The following SIN3A variants were observed in gnomAD, a reference collection of about 807,000 sequenced individuals.
SIN3A encodes the protein SIN3 transcription regulator family member A.
A neutral mutation model predicts 146.1 loss-of-function variants in SIN3A; 14 were observed. That is an observed-to-expected ratio of 0.10 (90% CI 0.06 to 0.15). The LOEUF is 0.15. SIN3A is among the 10% of genes least tolerant of loss of function. The probability of loss-of-function intolerance (pLI) is 1.00; values close to 1 mark genes in which losing one functional copy is unlikely to be tolerated. For synonymous variants in SIN3A, 572 were observed against 572.0 expected (o/e 1.00, Z 0.00); for missense variants, 1,028 against 1,576.0 (o/e 0.65, Z 5.89).
intron 1 of SIN3A, among the ~76,000 whole-genome samples, chr15:75,440,621 AC>A (rs1341281776): frequency 6.6e-6 from 1 of 152,120 alleles, no homozygotes; most frequent in Non-Finnish European, 1.5e-5. Flanking sequence ...TTAAAATGCA[AC>A]CAAGTACTCA....
chr15:75,430,077 CAT>C, intron 2 of SIN3A, 108 bp downstream of exon 2: 1 of 766,058 alleles, frequency 1.3e-6, no homozygotes, highest in Non-Finnish European at 2.1e-6. Context: ...TTACCTTACA[CAT>C]ACTCAACAAT....
At chr15:75,412,564 T>G (rs188571387) in intron 5 of SIN3A, among the ~76,000 whole-genome samples, 199 bp downstream of exon 5, 50 of 152,322 alleles carry the variant, frequency 3.3e-4, no homozygotes, top group African/African-American at 1.2e-3. Flanking sequence ...TGTTGCTGTG[T>G]TGATTTAAAT....
At chr15:75,432,602 G>A (rs747025023) in intron 1 of SIN3A, among the ~76,000 whole-genome samples, 14 of 147,788 alleles carry the variant, frequency 9.5e-5, no homozygotes, top group Admixed American at 1.4e-4. Context: ...CATGAGAATC[G>A]CTAGAATCCA....
chr15:75,453,238 T>C (rs2074437058), upstream of SIN3A: 1 of 152,476 alleles, frequency 6.6e-6, no homozygotes, highest in Non-Finnish European at 1.5e-5. Context: ...ACTCCAGCGA[T>C]GGCTTCGAGC....
chr15:75,408,760 A>G (rs565594346), intron 8 of SIN3A, among the ~76,000 whole-genome samples: 1 of 152,346 alleles, frequency 6.6e-6, no homozygotes, highest in African/African-American at 2.4e-5. Context: ...GTAACCCAAC[A>G]AAGAACTTTG....
At chr15:75,413,704 C>T (rs573214456) in intron 4 of SIN3A, among the ~76,000 whole-genome samples, 7 of 152,156 alleles carry the variant, frequency 4.6e-5, no homozygotes, top group Middle Eastern at 6.8e-3. Context: ...CCACCATGCC[C>T]GGCTAATTTT....
At chr15:75,442,319 T>A (rs1197711518) in intron 1 of SIN3A, among the ~76,000 whole-genome samples, 4 of 150,680 alleles carry the variant, frequency 2.7e-5, no homozygotes, top group African/African-American at 9.7e-5. Context: ...CAAAGTGCAG[T>A]GGTTTTGATT....
chr15:75,452,137 C>G (rs2074421707), upstream of SIN3A, among the ~76,000 whole-genome samples: 1 of 152,236 alleles, frequency 6.6e-6, no homozygotes, highest in Non-Finnish European at 1.5e-5. Context: ...GGTAAAATGT[C>G]TGTAAGTGAA....
chr15:75,413,096 C>G lies in SIN3A; in HGVS notation c.474-51G>C, dbSNP rs759287791. The G allele has an allele frequency of 9.9e-6, 15 of 1,517,540 alleles. No individual in the cohort carries two copies. The East Asian group carries it at 3.6e-4, about 37-fold the overall frequency. The allele number at this position is 1,517,540 out of a possible 1,614,324, so 94.0% of individuals were successfully genotyped here. A position where few individuals can be genotyped will look rare whatever the true frequency, so the allele number is the denominator to read the frequency against. ...ATAAACTGTAAGCTTAACAAACACC[C>G]TGTTAAGAAAAAATTTCATGTTTTT... On this transcript the variant is annotated intron_variant, in intron 4 of 20. Coordinates refer to ENST00000394947, the MANE Select transcript of SIN3A (RefSeq NM_001145358.2).
At chr15:75,379,509 T>C (rs2072925917) in intron 19 of SIN3A, among the ~76,000 whole-genome samples, 1 of 152,192 alleles carries the variant, frequency 6.6e-6, no homozygotes, top group African/African-American at 2.4e-5. Flanking sequence ...GAGAGACACA[T>C]GATGACAGGT....
chr15:75,448,809 T>A (rs2074352028), intron 1 of SIN3A, among the ~76,000 whole-genome samples: 2 of 152,150 alleles, frequency 1.3e-5, no homozygotes, highest in African/African-American at 2.4e-5. Flanking sequence ...CTGCTCCCAC[T>A]GAAGATGTAA....
Position 75,392,342 on chromosome 15 carries a change from A to G in SIN3A, c.2751T>C (p.Ile917=), listed in dbSNP as rs1473174291. Residue 917 remains isoleucine (I), a synonymous_variant, in exon 15 of 21, where the codon ATT becomes ATC. Transcript: ENST00000394947. ...ATTCTCTCTCTCGGTTTTCTTCTTC[A>G]ATTTGCCGTTCGGCTTGGGAACAAA... ...LRICSQAERQ[I]EEENREREWE... 1 of 1,614,164 alleles carries G rather than the reference A, an allele frequency of 6.2e-7. No individual in the cohort carries two copies. The highest frequency in any genetic ancestry group is 8.5e-7 in the Non-Finnish European group (1 of 1,180,026).
At chr15:75,453,639 G>C (rs1445717357), upstream of SIN3A, 3 of 152,336 alleles carry the variant, frequency 2.0e-5, no homozygotes, top group African/African-American at 7.2e-5. Flanking sequence ...AGCCAACTAA[G>C]GACAGCCGCT....
At chr15:75,441,280 G>A (rs2074206524) in intron 1 of SIN3A, among the ~76,000 whole-genome samples, 1 of 151,852 alleles carries the variant, frequency 6.6e-6, no homozygotes, top group Admixed American at 6.6e-5. Flanking sequence ...CTCCAGCGTG[G>A]GCAACAGAGC....
At chr15:75,372,638 A>G (rs1308870087) in intron 20 of SIN3A, among the ~76,000 whole-genome samples, 4 of 152,012 alleles carry the variant, frequency 2.6e-5, no homozygotes, top group Non-Finnish European at 5.9e-5. Flanking sequence ...CCTGGGCAAC[A>G]TGGCAAAACC....
At position 75,400,784 on chromosome 15, in the gene SIN3A, T is replaced by C; in HGVS notation, c.1683A>G (p.Leu561=). 3.1e-6 allele frequency: 5 copies of C among 1,614,104 alleles called. No individual in the cohort carries two copies. The highest frequency in any genetic ancestry group is 4.2e-6 in the Non-Finnish European group (5 of 1,180,020). Residue 561 remains leucine (L), a synonymous_variant, in exon 11 of 21, where the codon TTA becomes TTG. Transcript: ENST00000394947. Reference sequence around the variant, plus strand: ...ACTTGGGCTGCTGGTAACTCTTTGGTAAGGCTCGATAGCTGGAGCCCAATC... The same window carrying C: ...ACTTGGGCTGCTGGTAACTCTTTGGCAAGGCTCGATAGCTGGAGCCCAATC... The part of the protein sequence containing the change: ...CKRLGSSYRA[L]PKSYQQPKCT...
upstream of SIN3A, among the ~76,000 whole-genome samples, chr15:75,452,172 G>A (rs545044617): frequency 1.2e-4 from 18 of 152,294 alleles, no homozygotes; most frequent in East Asian, 3.3e-3. Flanking sequence ...CCGCACTGCC[G>A]GGCCAGGCCC....
At chr15:75,396,849 G>A (rs534260956) in intron 12 of SIN3A, among the ~76,000 whole-genome samples, 56 of 152,166 alleles carry the variant, frequency 3.7e-4, no homozygotes, top group Non-Finnish European at 7.3e-4. Context: ...TAGACCAGAG[G>A]AACCAAACAG....
intron 9 of SIN3A, among the ~76,000 whole-genome samples, chr15:75,406,708 A>G (rs79424572): frequency 0.17 from 26,611 of 152,212 alleles, 3,111 homozygotes; most frequent in Non-Finnish European, 0.26. Flanking sequence ...ATTACAAGTC[A>G]TCTTAAATCC....
Sources: gnomAD v4.1 joint callset for allele counts (sites outside exome capture counted in the v4.1 genomes callset) on GRCh38, gnomAD v4.1.1 for gene constraint, MANE v1.5 for transcripts, NCBI Gene and HGNC (gene_info 2026-07-23, HGNC 2026-07-21) for gene names.